Variants in BRSK2 observed in about 807,000 individuals in gnomAD.
BRSK2 encodes the protein serine/threonine-protein kinase BRSK2.
BRSK2 carries 19 observed loss-of-function variants against 83.3 expected under a neutral mutation model. The ratio of observed to expected loss-of-function variants is 0.23; its 90% CI spans 0.16 to 0.33. BRSK2 has a LOEUF of 0.33. Ranked by LOEUF, BRSK2 falls within the 10% of genes least tolerant of loss-of-function variation. The pLI, the probability that BRSK2 is intolerant of heterozygous loss-of-function variation, is 1.00. For synonymous variants in BRSK2, 519 were observed against 435.4 expected, an observed-to-expected ratio of 1.19 and a Z score of -2.39; for missense variants, 798 against 1,042.3, an observed-to-expected ratio of 0.77 and a Z score of 3.23.
At position 1,449,148 on chromosome 11, in the gene BRSK2, C is replaced by T. The variant is rs576958984; in HGVS notation, c.1227-628C>T. Among the ~76,000 whole-genome samples the T allele has an allele frequency of 3.1e-4, 47 of 152,290 alleles. 1 individual carries two copies. In the South Asian group the frequency reaches 7.7e-3, roughly 25 times the overall value. On this transcript the variant is annotated intron_variant, in intron 12 of 19. Transcript: ENST00000528841. ...GGCGGCCACACACCGGAGTCTCAGC[C>T]GGGCACGCCGGGCCAGGGCCTCCCT... is the stretch of plus-strand genomic sequence containing the variant.
At chr11:1,443,687 G>T in intron 8 of BRSK2, 52 bp downstream of exon 8, 2 of 1,488,426 alleles carry the variant, frequency 1.3e-6, no homozygotes, top group South Asian at 1.3e-5. Context: ...GGGGCGCGGG[G>T]GCGGGCGTGT....
intron 1 of BRSK2, among the ~76,000 whole-genome samples, chr11:1,399,345 C>T (rs986216924): frequency 3.9e-5 from 6 of 152,180 alleles, no homozygotes; most frequent in African/African-American, 1.4e-4. Flanking sequence ...AGCCCAGGGC[C>T]TGGCCCTGCC....
intron 1 of BRSK2, among the ~76,000 whole-genome samples, chr11:1,414,692 G>C (rs1488097064): frequency 1.3e-5 from 2 of 152,202 alleles, no homozygotes; most frequent in African/African-American, 4.8e-5. Context: ...GGCCACCACT[G>C]TCTAGTTCCA....
At position 1,461,023 on chromosome 11, in the gene BRSK2, G is replaced by A. The variant is rs1189293460; in HGVS notation, c.*300G>A. On this transcript the variant is annotated 3_prime_UTR_variant, in exon 20 of 20. Transcript: ENST00000528841. ...CTCCACGAGGCCATCCTCTGTGACC[G>A]AAGGCAGCTGCTGCGGACCCGCCCT... The A allele has an allele frequency of 1.6e-5, 26 of 1,611,242 alleles. No homozygotes were observed. The highest frequency in any genetic ancestry group is 1.1e-4 in the African/African-American group (8 of 74,848).
chr11:1,419,330 G>A (rs1358288723), intron 1 of BRSK2, among the ~76,000 whole-genome samples: 2 of 152,244 alleles, frequency 1.3e-5, no homozygotes, highest in East Asian at 3.8e-4. Context: ...GCCCTGGGAC[G>A]TGATTCCCTC....
chr11:1,401,047 T>C lies in BRSK2; in HGVS notation c.91+10672T>C, dbSNP rs555441118. On this transcript the variant is annotated intron_variant, in intron 1 of 19. Transcript: ENST00000528841. ...CACATGAGTGTCAGGACAGCCACCG[T>C]TGGGCATCAGGGAGGACCAGCAGAC... Among the ~76,000 whole-genome samples the C allele has an allele frequency of 1.4e-4, 21 of 152,324 alleles. 2 individuals carry two copies. In the South Asian group the frequency reaches 1.9e-3, roughly 14 times the overall value.
At position 1,443,420 on chromosome 11, in the gene BRSK2, C is replaced by A; in HGVS notation, c.633+17C>A. The A allele has an allele frequency of 6.3e-7, 1 of 1,593,526 alleles. No homozygotes were observed. Among genetic ancestry groups the A allele is most frequent in the Non-Finnish European group, 8.5e-7 (1 of 1,170,690 alleles). ...TTGCTGGTGGTGAGACCCTGGCCCC[C>A]TCAACCCTGCCCTGGCCTCTCCCCA... On this transcript the variant is annotated intron_variant, in intron 7 of 19. Transcript: ENST00000528841.
chr11:1,399,417 C>T (rs1347322945), intron 1 of BRSK2, among the ~76,000 whole-genome samples: 3 of 152,198 alleles, frequency 2.0e-5, no homozygotes, highest in African/African-American at 4.8e-5. Flanking sequence ...GGCCAGGATG[C>T]CCGAGGGTGG....
chr11:1,460,460 C>CTTTTTTTTTTTTTTTTTTTT lies in BRSK2; in HGVS notation c.1988-40_1988-39insTTTTTTTTTTTTTTTTTTTT. ...TCTCTCCCCCTTTTTTTTCTTTTTT[C>CTTTTTTTTTTTTTTTTTTTT]CTTTTTTTTTTTTTTTTTGTCTCTG... is the stretch of plus-strand genomic sequence containing the variant. On this transcript the variant is annotated intron_variant, in intron 19 of 19. Coordinates refer to ENST00000528841, the MANE Select transcript of BRSK2 (RefSeq NM_001256627.2). 5 of 1,121,194 alleles carry CTTTTTTTTTTTTTTTTTTTT rather than the reference C, an allele frequency of 4.5e-6. 2 individuals carry two copies. Among genetic ancestry groups the CTTTTTTTTTTTTTTTTTTTT allele is most frequent in the South Asian group, 5.5e-5 (2 of 36,398 alleles). 69.5% of individuals were successfully genotyped at this position (1,121,194 alleles called of 1,614,324 possible). A position where few individuals can be genotyped will look rare whatever the true frequency, so the allele number is the denominator to read the frequency against.
intron 16 of BRSK2, 61 bp from the exon 17 acceptor site, chr11:1,456,287 C>CA: frequency 6.8e-7 from 1 of 1,472,332 alleles, no homozygotes; most frequent in Non-Finnish European, 9.0e-7. Context: ...GGGCTGCCTC[C>CA]CCAGAGGGCC....
intron 1 of BRSK2, among the ~76,000 whole-genome samples, chr11:1,410,179 ACGT>A (rs568202308): frequency 9.2e-5 from 5 of 54,620 alleles, no homozygotes; most frequent in Admixed American, 7.0e-4. Flanking sequence ...GGGGTTTGTG[ACGT>A]CGGCCTCGCA....
At chr11:1,394,301 C>T (rs373871326) in intron 1 of BRSK2, among the ~76,000 whole-genome samples, 5,176 of 45,774 alleles carry the variant, frequency 0.11, no homozygotes, top group Admixed American at 0.15. Context: ...TGGAGATGGG[C>T]CCCTGGAGAT....
intron 1 of BRSK2, among the ~76,000 whole-genome samples, chr11:1,395,992 G>A (rs566738220): frequency 3.3e-5 from 5 of 152,180 alleles, no homozygotes; most frequent in Non-Finnish European, 7.4e-5. Flanking sequence ...CAAATCTCAC[G>A]CAGGCCCAGC....
Position 1,447,356 on chromosome 11 carries a change from C to T in BRSK2, c.1226+1449C>T, listed in dbSNP as rs112755395. Among the ~76,000 whole-genome samples, 213 of 152,314 alleles carry T rather than the reference C, an allele frequency of 1.4e-3. 1 individual carries two copies. The highest frequency in any genetic ancestry group is 4.6e-3 in the African/African-American group (192 of 41,566). On this transcript the variant is annotated intron_variant, in intron 12 of 19. Coordinates refer to ENST00000528841, the MANE Select transcript of BRSK2 (RefSeq NM_001256627.2). Reference sequence around the variant, plus strand: ...CCCACTGCCTGGCCCCTCCGGTCAGCGGCGTGGGAGGCCGCCCTCTTGGCC... The same window carrying T: ...CCCACTGCCTGGCCCCTCCGGTCAGTGGCGTGGGAGGCCGCCCTCTTGGCC...
intron 14 of BRSK2, 73 bp from the exon 15 acceptor site, chr11:1,451,298 C>T (rs941693500): frequency 4.5e-5 from 71 of 1,569,920 alleles, no homozygotes; most frequent in East Asian, 8.9e-5. Context: ...CTGACCTCGG[C>T]GCAAGGTGGC....
chr11:1,397,193 C>T (rs1846185545), intron 1 of BRSK2, among the ~76,000 whole-genome samples: 1 of 152,232 alleles, frequency 6.6e-6, no homozygotes, highest in Non-Finnish European at 1.5e-5. Flanking sequence ...ACCAAGCGGC[C>T]TGCAGATCTC....
chr11:1,398,382 G>A (rs1420603515), intron 1 of BRSK2, among the ~76,000 whole-genome samples: 1 of 152,146 alleles, frequency 6.6e-6, no homozygotes, highest in Non-Finnish European at 1.5e-5. Flanking sequence ...CCCTGGGTCC[G>A]AGAGTTATCT....
At chr11:1,399,015 T>C (rs907016735) in intron 1 of BRSK2, among the ~76,000 whole-genome samples, 3 of 152,194 alleles carry the variant, frequency 2.0e-5, no homozygotes, top group Non-Finnish European at 4.4e-5. Flanking sequence ...GGTGACTTCT[T>C]GCACACAGGG....
At chr11:1,453,053 G>A (rs902542706) in intron 15 of BRSK2, among the ~76,000 whole-genome samples, 1 of 152,242 alleles carries the variant, frequency 6.6e-6, no homozygotes, top group Non-Finnish European at 1.5e-5. Flanking sequence ...CCAGGTTGCA[G>A]CCTCGAGGGG....
Sources: allele counts gnomAD v4.1 joint callset (sites outside exome capture counted in the v4.1 genomes callset), GRCh38; gene constraint gnomAD v4.1.1; transcripts MANE v1.5; gene names NCBI Gene and HGNC (gene_info 2026-07-23, HGNC 2026-07-21).